Variants in GRB10 observed in about 807,000 individuals in gnomAD.
GRB10 encodes growth factor receptor bound protein 10.
In GRB10, 20 loss-of-function variants were observed where a neutral mutation model predicts 80.9. That is an observed-to-expected ratio of 0.25 (90% CI 0.17 to 0.36). The LOEUF (loss-of-function observed/expected upper bound fraction) is 0.36. GRB10 is among the 10% of genes least tolerant of loss of function. The pLI is 1.00. For synonymous variants in GRB10, 291 were observed against 291.5 expected (o/e 1.00, Z 0.02); for missense variants, 548 against 747.7 (o/e 0.73, Z 3.12).
intron 7 of GRB10, among the ~76,000 whole-genome samples, chr7:50,662,505 C>A (rs973001393): frequency 6.6e-6 from 1 of 152,214 alleles, no homozygotes; most frequent in Non-Finnish European, 1.5e-5. Context: ...GGGACAGACT[C>A]AGAGTGTCTT....
intron 3 of GRB10, 61 bp from the exon 4 acceptor site, chr7:50,732,429 A>T: frequency 1.0e-6 from 1 of 1,000,688 alleles, no homozygotes; most frequent in African/African-American, 1.6e-5. Context: ...TCCACTACTT[A>T]TGGCTGGTTC....
chr7:50,764,160 T>C (rs2076080804), intron 2 of GRB10, among the ~76,000 whole-genome samples: 1 of 151,478 alleles, frequency 6.6e-6, no homozygotes, highest in South Asian at 2.1e-4. Context: ...CCCCTGCTGG[T>C]AGCCTCCTCA....
chr7:50,605,403 T>C lies in GRB10; in HGVS notation c.1276A>G (p.Ser426Gly). Residue 426 changes from serine (S) to glycine (G), a missense_variant, in exon 15 of 19, where the codon AGT (serine) becomes GGT (glycine). By Grantham distance (56) the Ser-to-Gly change is moderately conservative (BLOSUM62 0). Coordinates refer to ENST00000401949, the MANE Select transcript of GRB10 (RefSeq NM_001350814.2). ...GCCACGAGGGAGTTCTCGGAGACACTGCGCTGAAAAGGAAAGGCCGCAGTT... is the reference window on the plus strand; with the variant it reads ...GCCACGAGGGAGTTCTCGGAGACACCGCGCTGAAAAGGAAAGGCCGCAGTT... ...LLSPFSTPVR[S>G]VSENSLVAMD... The C allele has an allele frequency of 1.9e-6, 3 of 1,613,188 alleles. No individual in the cohort carries two copies. The South Asian group carries it at 3.3e-5, about 18-fold the overall frequency.
chr7:50,685,484 G>A (rs757603904), intron 5 of GRB10, among the ~76,000 whole-genome samples: 7 of 152,192 alleles, frequency 4.6e-5, no homozygotes, highest in South Asian at 4.1e-4. Flanking sequence ...ACTGGAGCCC[G>A]AAGGAGGGAT....
At chr7:50,744,665 A>G (rs1009697918) in intron 3 of GRB10, among the ~76,000 whole-genome samples, 5 of 152,232 alleles carry the variant, frequency 3.3e-5, no homozygotes, top group Admixed American at 6.5e-5. Context: ...TGCATTAAAC[A>G]TGAAAAATAC....
intron 1 of GRB10, among the ~76,000 whole-genome samples, chr7:50,792,150 C>G (rs1198750796): frequency 6.6e-6 from 1 of 152,188 alleles, no homozygotes; most frequent in East Asian, 1.9e-4. Flanking sequence ...ACAAAGTGTT[C>G]TAGGCCTGGC....
At chr7:50,707,059 A>G (rs2065137356) in intron 4 of GRB10, among the ~76,000 whole-genome samples, 1 of 152,232 alleles carries the variant, frequency 6.6e-6, no homozygotes, top group South Asian at 2.1e-4. Context: ...TTGATTCTTA[A>G]AAGTATAATC....
intron 4 of GRB10, among the ~76,000 whole-genome samples, chr7:50,715,256 T>C (rs150557394): frequency 3.3e-5 from 5 of 151,518 alleles, no homozygotes; most frequent in South Asian, 2.1e-4. Flanking sequence ...ATGGAGCAGC[T>C]TCCAGGTGCA....
chr7:50,748,889 G>A (rs932595934), intron 3 of GRB10, among the ~76,000 whole-genome samples: 2 of 152,120 alleles, frequency 1.3e-5, no homozygotes, highest in African/African-American at 2.4e-5. Flanking sequence ...AAAGCTACCA[G>A]GACATTTATT....
intron 4 of GRB10, among the ~76,000 whole-genome samples, chr7:50,718,890 C>A (rs1422492933): frequency 6.6e-6 from 1 of 152,086 alleles, no homozygotes; most frequent in Non-Finnish European, 1.5e-5. Context: ...GTGACACAGT[C>A]ATGGATAACC....
At chr7:50,739,305 C>T (rs1426973101) in intron 3 of GRB10, among the ~76,000 whole-genome samples, 1 of 152,200 alleles carries the variant, frequency 6.6e-6, no homozygotes, top group Non-Finnish European at 1.5e-5. Context: ...GTGTTCCTAA[C>T]TGAAACTCTA....
chr7:50,649,430 G>C (rs1324505756), intron 7 of GRB10, among the ~76,000 whole-genome samples: 3 of 152,216 alleles, frequency 2.0e-5, no homozygotes, highest in Non-Finnish European at 4.4e-5. Flanking sequence ...CAGGGGAAAT[G>C]CACAGAGGTG....
intron 7 of GRB10, among the ~76,000 whole-genome samples, chr7:50,650,247 C>T (rs2057840410): frequency 6.6e-6 from 1 of 152,202 alleles, no homozygotes; most frequent in African/African-American, 2.4e-5. Flanking sequence ...GGCCACTGAT[C>T]TTAACTAGAG....
rs555360296 is a variant in GRB10 at position 50,655,666 on chromosome 7, A to G, written c.504+14056T>C. On this transcript the variant is annotated intron_variant, in intron 7 of 18. Transcript: ENST00000401949. The stretch of plus-strand genomic sequence containing the variant: ...CAGCCCAGTCCATCCTTCACACTGC[A>G]GCAGGCAAAGCAAAGTACAAAGCTG... Among the ~76,000 whole-genome samples the G allele has an allele frequency of 3.3e-5, 5 of 152,326 alleles. No homozygotes were observed. In the South Asian group the frequency reaches 8.3e-4, roughly 25 times the overall value.
chr7:50,660,462 GAC>G (rs1389529426), intron 7 of GRB10, among the ~76,000 whole-genome samples: 2 of 152,202 alleles, frequency 1.3e-5, no homozygotes, highest in African/African-American at 4.8e-5. Context: ...TGAGCTCCAA[GAC>G]ACAGAGACAT....
At chr7:50,793,294 G>C (rs2079013756) in exon 1 of GRB10, 1 of 143,210 alleles carries the variant, frequency 7.0e-6, no homozygotes, top group African/African-American at 2.5e-5. Context: ...CGGCGGGCGC[G>C]GGTCCCCGCG....
chr7:50,598,399 T>C (rs983970918), intron 17 of GRB10, among the ~76,000 whole-genome samples: 2 of 152,106 alleles, frequency 1.3e-5, no homozygotes, highest in Non-Finnish European at 2.9e-5. Context: ...CGGCCCAGGA[T>C]GGACAGTGGC....
intron 7 of GRB10, among the ~76,000 whole-genome samples, chr7:50,654,466 A>C (rs2058403596): frequency 6.6e-6 from 1 of 152,190 alleles, no homozygotes; most frequent in Non-Finnish European, 1.5e-5. Flanking sequence ...GTCAACAGGG[A>C]GAATTACTGT....
At chr7:50,687,306 G>A (rs1563445350) in intron 5 of GRB10, among the ~76,000 whole-genome samples, 1 of 152,226 alleles carries the variant, frequency 6.6e-6, no homozygotes, top group Non-Finnish European at 1.5e-5. Flanking sequence ...TTCCCCAGCA[G>A]TCAGGCCTTA....
Sources: allele counts gnomAD v4.1 joint callset (sites outside exome capture counted in the v4.1 genomes callset), GRCh38; gene constraint gnomAD v4.1.1; transcripts MANE v1.5; gene names NCBI Gene and HGNC (gene_info 2026-07-23, HGNC 2026-07-21).